Variants in SEMA3F observed in about 807,000 individuals in gnomAD.
SEMA3F encodes the protein semaphorin-3F.
SEMA3F carries 30 observed loss-of-function variants against 98.5 expected under a neutral mutation model. The observed-to-expected ratio is 0.30, with a 90% CI of 0.23 to 0.41. The LOEUF is 0.41. Among genes scored for constraint, SEMA3F ranks in the 10% least tolerant of loss-of-function variants. SEMA3F has a pLI of 1.00. For synonymous variants in SEMA3F, 380 were observed against 444.8 expected (o/e 0.85, Z 1.83); for missense variants, 866 against 1,119.3 (o/e 0.77, Z 3.23).
chr3:50,165,717 GA>G (rs1698379330), intron 2 of SEMA3F, among the ~76,000 whole-genome samples: 2 of 152,258 alleles, frequency 1.3e-5, no homozygotes, highest in South Asian at 4.1e-4. Context: ...CTGGATGCCA[GA>G]AGGCTATGGT....
chr3:50,185,785 G>A, intron 15 of SEMA3F, 78 bp downstream of exon 15: 1 of 1,609,748 alleles, frequency 6.2e-7, no homozygotes, highest in East Asian at 2.2e-5. Flanking sequence ...GCACAGGGAT[G>A]GGTAAACTGA....
chr3:50,172,976 T>C (rs780213179), intron 2 of SEMA3F, among the ~76,000 whole-genome samples: 1 of 152,178 alleles, frequency 6.6e-6, no homozygotes, highest in Non-Finnish European at 1.5e-5. Flanking sequence ...CAAAAACTCT[T>C]TGATGCTGTT....
intron 2 of SEMA3F, among the ~76,000 whole-genome samples, chr3:50,167,528 G>A (rs1029916636): frequency 1.3e-5 from 2 of 152,216 alleles, no homozygotes; most frequent in Non-Finnish European, 2.9e-5. Flanking sequence ...CGTGGGAACA[G>A]CATGCCTGGA....
At chr3:50,168,422 A>C (rs1698482145) in intron 2 of SEMA3F, among the ~76,000 whole-genome samples, 1 of 152,152 alleles carries the variant, frequency 6.6e-6, no homozygotes, top group South Asian at 2.1e-4. Context: ...TGGGAGCCCA[A>C]GGCAGGCGTC....
chr3:50,178,677 G>A (rs1284637111), intron 7 of SEMA3F, among the ~76,000 whole-genome samples: 8 of 149,018 alleles, frequency 5.4e-5, no homozygotes, highest in East Asian at 2.0e-4. Context: ...AGCTGAGATC[G>A]CACCACTGCA....
chr3:50,162,745 C>G (rs555652242), intron 2 of SEMA3F, among the ~76,000 whole-genome samples: 1 of 152,302 alleles, frequency 6.6e-6, no homozygotes, highest in South Asian at 2.1e-4. Context: ...CTGCTGCTGC[C>G]TGGGCTGGGT....
chr3:50,188,474 A>T lies in SEMA3F; in HGVS notation c.*359A>T, dbSNP rs999003249. 2 of 152,404 alleles carry T rather than the reference A, an allele frequency of 1.3e-5. No individual in the cohort carries two copies. The highest frequency in any genetic ancestry group is 4.8e-5 in the African/African-American group (2 of 41,466). The allele number at this position is 152,404 out of a possible 1,614,324, so 9.4% of individuals were successfully genotyped here. ...GGAGCAAGCCCTACTCGGATGGGGC[A>T]CGGACTGTCCACCTTTTCTGATGTG... On this transcript the variant is annotated 3_prime_UTR_variant, in exon 19 of 19. Transcript: ENST00000002829. This position sits in a 1 kb window ranked among gnomAD's most constrained non-coding sequence, Gnocchi z 4.5.
In SEMA3F at chr3:50,185,445, C is replaced by A. The variant is rs755217152; in HGVS notation, c.1459C>A (p.Arg487Ser). The stretch of plus-strand genomic sequence containing the variant: ...AGGCCCTGCCCGGCCCGTTCCAGAC[C>A]GCGGGACAGTGCAGAAGGTCATTGT... ...RYEVLFLGTDRGTVQKVIVLP... is the reference protein window; with the variant it reads ...RYEVLFLGTDSGTVQKVIVLP... The change falls in exon 14 of 19, where the codon CGC becomes AGC. Residue 487 changes from arginine (R) to serine (S), a missense_variant and splice_region_variant. Physicochemically the swap from Arg to Ser is moderately radical, Grantham distance 110. Coordinates refer to ENST00000002829, the MANE Select transcript of SEMA3F (RefSeq NM_004186.5). 3.9e-5 allele frequency: 63 copies of A among 1,613,172 alleles called. No homozygotes were observed. Among genetic ancestry groups the A allele is most frequent in the Non-Finnish European group, 5.2e-5 (61 of 1,179,628 alleles).
Position 50,187,900 on chromosome 3 carries a change from C to T in SEMA3F, c.2143C>T (p.Pro715Ser). The T allele has an allele frequency of 6.2e-7, 1 of 1,609,444 alleles. No homozygotes were observed. The highest frequency in any genetic ancestry group is 1.3e-5 in the African/African-American group (1 of 74,984). Residue 715 changes from proline to serine, a missense_variant, in exon 19 of 19, where the codon CCG (proline) becomes TCG (serine). Coordinates refer to ENST00000002829, the MANE Select transcript of SEMA3F (RefSeq NM_004186.5). ...ALFPPLSMSA[P>S]PPPGAGPPTP... ...CTTCCCACCACTGTCCATGAGCGCC[C>T]CGCCACCCCCAGGCGCAGGCCCCCC...
At chr3:50,187,677 T>G in intron 18 of SEMA3F, 28 bp from the exon 19 acceptor site, 1 of 1,545,578 alleles carries the variant, frequency 6.5e-7, no homozygotes, top group Non-Finnish European at 8.8e-7. Context: ...TCACAGAGCC[T>G]CTGAACCCCC....
chr3:50,171,862 G>A (rs1335303021), intron 2 of SEMA3F, among the ~76,000 whole-genome samples: 2 of 152,166 alleles, frequency 1.3e-5, no homozygotes, highest in Non-Finnish European at 2.9e-5. Context: ...TTGATCCCTC[G>A]GCGTCCCTGC....
At chr3:50,177,449 GCTGC>G (rs1698856144) in intron 7 of SEMA3F, among the ~76,000 whole-genome samples, 1 of 152,186 alleles carries the variant, frequency 6.6e-6, no homozygotes, top group Non-Finnish European at 1.5e-5. Flanking sequence ...GCTCATGCAC[GCTGC>G]CTGTTTTCTG....
chr3:50,183,711 C>A, intron 12 of SEMA3F, 147 bp downstream of exon 12: 1 of 813,950 alleles, frequency 1.2e-6, no homozygotes, highest in Non-Finnish European at 1.9e-6. Context: ...CGGGCCTTCA[C>A]ACACAGTGTC....
chr3:50,160,018 T>G (rs1698144498), intron 2 of SEMA3F, among the ~76,000 whole-genome samples: 1 of 152,122 alleles, frequency 6.6e-6, no homozygotes, highest in Non-Finnish European at 1.5e-5. Context: ...AGGGCATGTC[T>G]TTCTGTATGA....
chr3:50,158,990 G>A lies in SEMA3F; in HGVS notation c.-48-585G>A, dbSNP rs1156627474. On this transcript the variant is annotated intron_variant, in intron 1 of 18. Transcript: ENST00000002829. This position sits in a 1 kb window ranked among gnomAD's most constrained non-coding sequence, Gnocchi z 4.8. ...CTCCTGCTTTGATTTTAGTACAAGTGGACTCTGCCATTCTCTGCCTTTCCT... is the reference window on the plus strand; with the variant it reads ...CTCCTGCTTTGATTTTAGTACAAGTAGACTCTGCCATTCTCTGCCTTTCCT... 1 of 152,400 alleles carries A rather than the reference G, an allele frequency of 6.6e-6. No homozygotes were observed. The allele number at this position is 152,400 out of a possible 1,614,324, so 9.4% of individuals were successfully genotyped here.
Position 50,186,044 on chromosome 3 carries a change from G to T in SEMA3F, c.1743G>T (p.Lys581Asn). 6.2e-7 allele frequency: 1 copy of T among 1,609,700 alleles called. No individual in the cohort carries two copies. The highest frequency in any genetic ancestry group is 1.1e-5 in the South Asian group (1 of 90,808). The change falls in exon 16 of 19, where the codon AAG becomes AAT. Residue 581 changes from lysine (K) to asparagine (N), a missense_variant and splice_region_variant. This residue lies in a region of SEMA3F where 374 missense variants were observed against 582.8 expected (regional missense o/e 0.64). Transcript: ENST00000002829. ...GCTCCCGCTATACAGCATCCTCCAA[G>T]AGGTGTGGACCCCTAGACACCTAGA... ...QACSRYTASS[K>N]RRSRRQDVRH...
chr3:50,185,780 G>A, intron 15 of SEMA3F, 73 bp downstream of exon 15: 2 of 1,610,882 alleles, frequency 1.2e-6, no homozygotes, highest in East Asian at 2.2e-5. Context: ...CCTTGGCACA[G>A]GGATGGGTAA....
chr3:50,186,516 A>G, intron 17 of SEMA3F, 97 bp from the exon 18 acceptor site: 6 of 1,484,160 alleles, frequency 4.0e-6, no homozygotes, highest in Non-Finnish European at 5.5e-6. Flanking sequence ...ACAGAGCACT[A>G]CATTGGTGAG....
upstream of SEMA3F, chr3:50,155,192 G>A (rs984417435): frequency 1.7e-5 from 6 of 344,840 alleles, no homozygotes; most frequent in African/African-American, 1.1e-4. This position sits in a 1 kb window ranked among gnomAD's most constrained non-coding sequence, Gnocchi z 4.9. Flanking sequence ...CGCCCGGCCC[G>A]GGTCCAGCAG....
Sources: allele counts gnomAD v4.1 joint callset (sites outside exome capture counted in the v4.1 genomes callset), GRCh38; gene constraint gnomAD v4.1.1; regional missense constraint gnomAD v4.1.1; non-coding constraint Gnocchi (gnomAD v3.1); transcripts MANE v1.5; gene names NCBI Gene and HGNC (gene_info 2026-07-23, HGNC 2026-07-21).